Variants in MYO1B observed in about 807,000 individuals in gnomAD.
MYO1B encodes the protein myosin IB, also known as unconventional myosin-Ib.
In MYO1B, 72 loss-of-function variants were observed where a neutral mutation model predicts 159.7. The observed-to-expected ratio is 0.45, with a 90% CI of 0.37 to 0.55. The LOEUF (loss-of-function observed/expected upper bound fraction) is 0.55, where lower values mean the gene tolerates loss of function less well. MYO1B is among the 20% of genes least tolerant of loss of function. The probability of loss-of-function intolerance (pLI) is 0.00; values close to 1 mark genes in which losing one functional copy is unlikely to be tolerated. For synonymous variants in MYO1B, 468 were observed against 473.8 expected, an observed-to-expected ratio of 0.99 and a Z score of 0.16; for missense variants, 1,062 against 1,364.8, an observed-to-expected ratio of 0.78 and a Z score of 3.50.
chr2:191,296,921 A>T (rs115755153), intron 3 of MYO1B, among the ~76,000 whole-genome samples: 5,410 of 152,278 alleles, frequency 0.036, 111 homozygotes, highest in Middle Eastern at 0.061. Flanking sequence ...GTTTGCCTGG[A>T]TTTGGTAGAT....
intron 3 of MYO1B, among the ~76,000 whole-genome samples, chr2:191,309,318 C>T (rs1438699801): frequency 6.6e-6 from 1 of 152,138 alleles, no homozygotes; most frequent in African/African-American, 2.4e-5. Flanking sequence ...ATCCTAACCA[C>T]GTCCATAGCC....
At chr2:191,383,549 T>C (rs56964386) in intron 15 of MYO1B, among the ~76,000 whole-genome samples, 628 of 14,614 alleles carry the variant, frequency 0.043, 4 homozygotes, top group Non-Finnish European at 0.12. Flanking sequence ...CACACACACA[T>C]ATATATATAT....
At position 191,423,911 on chromosome 2, in the gene MYO1B, C is replaced by T; in HGVS notation, c.3362C>T (p.Pro1121Leu). 1 of 1,613,872 alleles carries T rather than the reference C, an allele frequency of 6.2e-7. No individual in the cohort carries two copies. Among genetic ancestry groups the T allele is most frequent in the Non-Finnish European group, 8.5e-7 (1 of 1,179,866 alleles). ...GGAAACCAGAAAAATGGGAGTGTCC[C>T]AACATGTAAACGAAAAAACAACCGT... ...IQGNQKNGSV[P>L]TCKRKNNRLL... The change falls in exon 31 of 31, where the codon CCA (proline) becomes CTA (leucine). Residue 1121 changes from proline to leucine, a missense_variant. This residue lies in a region of MYO1B where 609 missense variants were observed against 744.4 expected (regional missense o/e 0.82). Coordinates refer to ENST00000392318, the MANE Select transcript of MYO1B (RefSeq NM_001130158.3).
intron 7 of MYO1B, 41 bp from the exon 8 acceptor site, chr2:191,360,590 G>A: frequency 7.9e-7 from 1 of 1,273,396 alleles, no homozygotes; most frequent in Non-Finnish European, 1.1e-6. Context: ...GGATTTGGAA[G>A]TGAAACAAAT....
chr2:191,358,450 C>T (rs1377909794), intron 7 of MYO1B, among the ~76,000 whole-genome samples: 1 of 152,162 alleles, frequency 6.6e-6, no homozygotes, highest in Non-Finnish European at 1.5e-5. Context: ...TGCCAGCATT[C>T]CTTTTCATAT....
intron 13 of MYO1B, among the ~76,000 whole-genome samples, chr2:191,373,534 G>A (rs967121585): frequency 6.6e-6 from 1 of 152,188 alleles, no homozygotes; most frequent in African/African-American, 2.4e-5. Flanking sequence ...CCAGCACTTT[G>A]GGAGGCCAAC....
chr2:191,339,941 A>C (rs1396265720), intron 4 of MYO1B, among the ~76,000 whole-genome samples: 2 of 152,172 alleles, frequency 1.3e-5, no homozygotes, highest in Non-Finnish European at 2.9e-5. Flanking sequence ...ATCCACCTGC[A>C]GGTCTCCTGT....
chr2:191,285,202 C>T (rs911966671), intron 2 of MYO1B, among the ~76,000 whole-genome samples: 4 of 152,150 alleles, frequency 2.6e-5, no homozygotes, highest in African/African-American at 9.7e-5. Context: ...ATACTTGTCT[C>T]GTGACACAGT....
At chr2:191,291,157 C>G (rs1225626971) in intron 2 of MYO1B, among the ~76,000 whole-genome samples, 1 of 152,176 alleles carries the variant, frequency 6.6e-6, no homozygotes, top group Non-Finnish European at 1.5e-5. Context: ...CGTTTGGCTT[C>G]TGAACAGTGG....
chr2:191,405,450 T>C (rs528140008), intron 24 of MYO1B, among the ~76,000 whole-genome samples: 2 of 152,346 alleles, frequency 1.3e-5, no homozygotes, highest in South Asian at 4.1e-4. Flanking sequence ...TCCAGACTGA[T>C]GACTCTTTTC....
intron 29 of MYO1B, among the ~76,000 whole-genome samples, 168 bp from the exon 30 acceptor site, chr2:191,415,947 G>A (rs1341176069): frequency 6.6e-6 from 1 of 152,202 alleles, no homozygotes; most frequent in Non-Finnish European, 1.5e-5. Context: ...AAAGTGCTCT[G>A]AGCAAGTTGG....
rs1329278825 is a variant in MYO1B, at chr2:191,370,227, G to C, written c.1120G>C (p.Ala374Pro). 6.2e-7 allele frequency: 1 copy of C among 1,611,856 alleles called. No homozygotes were observed. The highest frequency in any genetic ancestry group is 8.5e-7 in the Non-Finnish European group (1 of 1,178,758). Residue 374 changes from alanine to proline, a missense_variant and splice_region_variant, in exon 13 of 31, where the codon GCA becomes CCA. Physicochemically the swap from Ala to Pro is conservative, Grantham distance 27 (BLOSUM62 -1). Coordinates refer to ENST00000392318, the MANE Select transcript of MYO1B (RefSeq NM_001130158.3). The stretch of plus-strand genomic sequence containing the variant: ...CCCTTTAATTTGAAACTTTTTAAAG[G>C]CACAAACAAAAGTGAGAAAGAAGGT... Reference protein sequence around the residue: ...LVNRINESIKAQTKVRKKVMG... With the variant: ...LVNRINESIKPQTKVRKKVMG...
intron 2 of MYO1B, among the ~76,000 whole-genome samples, chr2:191,287,779 A>C (rs1490459297): frequency 6.6e-6 from 1 of 151,670 alleles, no homozygotes; most frequent in East Asian, 1.9e-4. Flanking sequence ...CTCATCCCCC[A>C]CTGACTTTTC....
chr2:191,381,464 C>G lies in MYO1B; in HGVS notation c.1188C>G (p.Asp396Glu), dbSNP rs1220628153. Reference sequence around the variant, plus strand: ...TGTTTTTCATTTTCTCCATACAGGACAACAGCTTTGAGCAGTTCATTATTA... The same window carrying G: ...TGTTTTTCATTTTCTCCATACAGGAGAACAGCTTTGAGCAGTTCATTATTA... ...LDIYGFEIFE[D>E]NSFEQFIINY... Residue 396 changes from aspartate to glutamate, a missense_variant and splice_region_variant, in exon 14 of 31, where the codon GAC becomes GAG. By Grantham distance (45) the Asp-to-Glu change is conservative (BLOSUM62 2). Transcript: ENST00000392318. 6.2e-7 allele frequency: 1 copy of G among 1,611,830 alleles called. No individual in the cohort carries two copies. Among genetic ancestry groups the G allele is most frequent in the Non-Finnish European group, 8.5e-7 (1 of 1,178,098 alleles).
intron 1 of MYO1B, among the ~76,000 whole-genome samples, chr2:191,269,205 T>C (rs893944885): frequency 1.3e-5 from 2 of 152,162 alleles, no homozygotes; most frequent in African/African-American, 4.8e-5. Context: ...TCTTTTTGTC[T>C]CTATGAATTT....
intron 2 of MYO1B, among the ~76,000 whole-genome samples, chr2:191,282,772 C>T (rs1358071875): frequency 6.6e-6 from 1 of 152,148 alleles, no homozygotes; most frequent in Non-Finnish European, 1.5e-5. Context: ...GGAACAAGAG[C>T]AATCTTTAAT....
intron 1 of MYO1B, among the ~76,000 whole-genome samples, chr2:191,274,892 C>T (rs1028331843): frequency 6.6e-6 from 1 of 151,944 alleles, no homozygotes; most frequent in South Asian, 2.1e-4. Flanking sequence ...TTAGTGGTAT[C>T]TGGGACTTTT....
chr2:191,322,432 T>A (rs1690783099), intron 3 of MYO1B, among the ~76,000 whole-genome samples: 1 of 152,068 alleles, frequency 6.6e-6, no homozygotes, highest in Admixed American at 6.6e-5. Flanking sequence ...TGAAAAAGAG[T>A]CACTCTTTGG....
intron 1 of MYO1B, among the ~76,000 whole-genome samples, chr2:191,260,623 C>G (rs1342923838): frequency 1.3e-5 from 2 of 151,944 alleles, no homozygotes; most frequent in Non-Finnish European, 2.9e-5. Flanking sequence ...TTCTGGGAGC[C>G]TTTGCTTTTT....
Sources: allele counts gnomAD v4.1 joint callset (sites outside exome capture counted in the v4.1 genomes callset), GRCh38; gene constraint gnomAD v4.1.1; regional missense constraint gnomAD v4.1.1; transcripts MANE v1.5; gene names NCBI Gene and HGNC (gene_info 2026-07-23, HGNC 2026-07-21).